Variants in KANK1 observed in about 807,000 individuals in gnomAD.
The protein encoded by KANK1 is KN motif and ankyrin repeat domains 1.
KANK1 carries 109 observed loss-of-function variants against 106.2 expected under a neutral mutation model. The observed-to-expected ratio is 1.03, with a 90% CI of 0.88 to 1.20. KANK1 has a LOEUF of 1.20. Among genes scored for constraint, KANK1 ranks in the 50% most tolerant of loss-of-function variants. The pLI is 0.00. For synonymous variants in KANK1, 873 were observed against 652.2 expected, an observed-to-expected ratio of 1.34 and a Z score of -5.16; for missense variants, 2,399 against 1,710.7, an observed-to-expected ratio of 1.40 and a Z score of -7.10.
chr9:655,301 G>A (rs888395947), intron 1 of KANK1, among the ~76,000 whole-genome samples: 4 of 151,904 alleles, frequency 2.6e-5, no homozygotes, highest in Admixed American at 6.6e-5. Context: ...AACCCGGGAG[G>A]CAGAGGTTGC....
At chr9:510,007 T>C (rs2058959935) in intron 1 of KANK1, among the ~76,000 whole-genome samples, 1 of 151,790 alleles carries the variant, frequency 6.6e-6, no homozygotes, top group South Asian at 2.1e-4. Context: ...AGATGGGGTC[T>C]TGCTAGGTTG....
rs148157700 is a variant in KANK1 at position 745,199 on chromosome 9, G to A, written c.4023G>A (p.Thr1341=). 99 of 1,613,830 alleles carry A rather than the reference G, an allele frequency of 6.1e-5. No individual in the cohort carries two copies. The Admixed American group carries it at 7.0e-4, about 11-fold the overall frequency. ...SPGTPRLGRK[T]SPGPTHRGSF... is the part of the protein sequence containing the mutation. Reference sequence around the variant, plus strand: ...GCACCCCTAGGCTTGGAAGGAAGACGTCTCCTGGCCCCACCCACCGAGGTT... The same window carrying A: ...GCACCCCTAGGCTTGGAAGGAAGACATCTCCTGGCCCCACCCACCGAGGTT... The change falls in exon 12 of 12, where the codon ACG becomes ACA. Residue 1341 remains threonine (T), a synonymous_variant. Coordinates refer to ENST00000382297, the MANE Select transcript of KANK1 (RefSeq NM_015158.5).
intron 1 of KANK1, among the ~76,000 whole-genome samples, chr9:525,533 C>G (rs1458974060): frequency 6.6e-6 from 1 of 151,204 alleles, no homozygotes; most frequent in Non-Finnish European, 1.5e-5. Context: ...GGATGCGCCG[C>G]CATGCCCTGC....
At chr9:655,908 G>T (rs1842039606) in intron 1 of KANK1, among the ~76,000 whole-genome samples, 1 of 152,152 alleles carries the variant, frequency 6.6e-6, no homozygotes, top group Non-Finnish European at 1.5e-5. Context: ...GTAGTAACAG[G>T]CCTTTCCCCT....
intron 1 of KANK1, among the ~76,000 whole-genome samples, chr9:512,840 A>T (rs762607769): frequency 6.6e-6 from 1 of 151,932 alleles, no homozygotes; most frequent in Non-Finnish European, 1.5e-5. Flanking sequence ...ATTCCCTCAC[A>T]CCTCTCTTTC....
At chr9:552,378 A>G (rs2061336881) in intron 1 of KANK1, among the ~76,000 whole-genome samples, 1 of 152,100 alleles carries the variant, frequency 6.6e-6, no homozygotes, top group Non-Finnish European at 1.5e-5. Context: ...CAAGACTCAA[A>G]CTCATTTTTA....
intron 1 of KANK1, among the ~76,000 whole-genome samples, chr9:552,418 A>G (rs377586717): frequency 1.3e-5 from 2 of 152,328 alleles, no homozygotes; most frequent in East Asian, 3.9e-4. Context: ...TCTCCTCAGC[A>G]GTTGTTAAAC....
At chr9:702,732 T>C (rs1823001504) in intron 2 of KANK1, among the ~76,000 whole-genome samples, 4 of 152,148 alleles carry the variant, frequency 2.6e-5, no homozygotes. Flanking sequence ...TTTTAGCCCC[T>C]AGTTTCAGTG....
chr9:616,589 C>T (rs574176823), intron 1 of KANK1, among the ~76,000 whole-genome samples: 43 of 152,292 alleles, frequency 2.8e-4, no homozygotes, highest in African/African-American at 4.8e-5. Flanking sequence ...TCCTTCCATC[C>T]AGGCTTGGCT....
rs553448440 is a variant in KANK1 at position 579,545 on chromosome 9, C to T, written c.-84+74791C>T. Among the ~76,000 whole-genome samples, 8 of 152,258 alleles carry T rather than the reference C, an allele frequency of 5.3e-5. No individual in the cohort carries two copies. The South Asian group carries it at 1.5e-3, about 28-fold the overall frequency. Reference sequence around the variant, plus strand: ...ACACAGATCCAGCTCCATCTGGAGCCCGCCTGTCAGCTCCTCAGCCCCAAT... The same window carrying T: ...ACACAGATCCAGCTCCATCTGGAGCTCGCCTGTCAGCTCCTCAGCCCCAAT... On this transcript the variant is annotated intron_variant, in intron 1 of 11. Transcript: ENST00000382297.
At chr9:531,873 C>A (rs1348033333) in intron 1 of KANK1, among the ~76,000 whole-genome samples, 1 of 151,964 alleles carries the variant, frequency 6.6e-6, no homozygotes, top group Non-Finnish European at 1.5e-5. Context: ...GTGTGTGGGC[C>A]AGATTGTTGT....
chr9:656,077 C>A (rs1196248877), intron 1 of KANK1, among the ~76,000 whole-genome samples: 5 of 152,200 alleles, frequency 3.3e-5, no homozygotes, highest in East Asian at 3.9e-4. Context: ...TTGGCACTTT[C>A]TTGCTGTCAG....
rs139900951 is a variant in KANK1, at chr9:590,907, T to TAC, written c.-83-85979_-83-85978dup. Among the ~76,000 whole-genome samples, 807 of 151,958 alleles carry TAC rather than the reference T, an allele frequency of 5.3e-3. 30 individuals are homozygous for TAC. The highest frequency in any genetic ancestry group is 0.018 in the African/African-American group (757 of 41,246). On this transcript the variant is annotated intron_variant, in intron 1 of 11. Transcript: ENST00000382297. Reference sequence around the variant, plus strand: ...ATTAGGAAAGAGGTTTAATATATAATACACATTGCCTGGAAGACTGAACCG... The same window carrying TAC: ...ATTAGGAAAGAGGTTTAATATATAATACACACATTGCCTGGAAGACTGAACCG...
At chr9:708,216 G>C (rs540916791) in intron 2 of KANK1, among the ~76,000 whole-genome samples, 1 of 131,674 alleles carries the variant, frequency 7.6e-6, no homozygotes, top group African/African-American at 2.8e-5. Context: ...TGGAATTTCA[G>C]ACAGTCCTGG....
At chr9:608,626 A>G (rs1233788976) in intron 1 of KANK1, among the ~76,000 whole-genome samples, 1 of 152,144 alleles carries the variant, frequency 6.6e-6, no homozygotes, top group Non-Finnish European at 1.5e-5. Flanking sequence ...TCATCAGGAC[A>G]TCATCACGAC....
chr9:578,329 CTG>C (rs33959144), intron 1 of KANK1, among the ~76,000 whole-genome samples: 56,938 of 149,492 alleles, frequency 0.38, 11,840 homozygotes, highest in African/African-American at 0.56. Flanking sequence ...TATTTTTCAA[CTG>C]TGTGTGTGTG....
rs1826064694 is a variant in KANK1 at position 711,483 on chromosome 9, C to G, written c.717C>G (p.Ile239Met). ...APTTSSMGSS[I>M]RHSPLSSGIS... ...CCACTTCCTCCATGGGGAGCTCCAT[C>G]CGCCACAGCCCCCTGAGCTCAGGGA... Residue 239 changes from isoleucine to methionine, a missense_variant, in exon 3 of 12, where the codon ATC becomes ATG. Physicochemically the swap from Ile to Met is conservative, Grantham distance 10 (BLOSUM62 1). Coordinates refer to ENST00000382297, the MANE Select transcript of KANK1 (RefSeq NM_015158.5). 4 of 1,614,166 alleles carry G rather than the reference C, an allele frequency of 2.5e-6. No homozygotes were observed. The highest frequency in any genetic ancestry group is 3.4e-6 in the Non-Finnish European group (4 of 1,180,030).
At chr9:642,257 A>T (rs189726670) in intron 1 of KANK1, among the ~76,000 whole-genome samples, 4 of 144,294 alleles carry the variant, frequency 2.8e-5, no homozygotes, top group Admixed American at 2.0e-4. Flanking sequence ...AGAATAAATG[A>T]GTCTGCAGAA....
At chr9:646,272 G>A (rs1186229788) in intron 1 of KANK1, among the ~76,000 whole-genome samples, 1 of 150,742 alleles carries the variant, frequency 6.6e-6, no homozygotes, top group Non-Finnish European at 1.5e-5. Flanking sequence ...CAAGGCTAGA[G>A]GATCACTTGA....
Sources: allele counts gnomAD v4.1 joint callset (sites outside exome capture counted in the v4.1 genomes callset), GRCh38; gene constraint gnomAD v4.1.1; transcripts MANE v1.5; gene names NCBI Gene and HGNC (gene_info 2026-07-23, HGNC 2026-07-21).